The following IKBIP variants were observed in gnomAD, a reference collection of about 807,000 sequenced individuals.
The protein encoded by IKBIP is inhibitor of nuclear factor kappa-B kinase-interacting protein.
Under a neutral mutation model 31.0 loss-of-function variants are expected in IKBIP, and 28 were observed. The ratio of observed to expected loss-of-function variants is 0.90; its 90% CI spans 0.67 to 1.24. IKBIP has a LOEUF of 1.24. Ranked by LOEUF, IKBIP falls within the 50% of genes most tolerant of loss-of-function variation. IKBIP has a pLI of 0.00. For missense variants in IKBIP, 453 were observed against 441.9 expected (o/e 1.03, Z -0.23); for synonymous variants, 164 against 160.3 (o/e 1.02, Z -0.17).
chr12:98,626,346 T>C lies in IKBIP; in HGVS notation c.718A>G (p.Lys240Glu). 2 of 1,614,148 alleles carry C rather than the reference T, an allele frequency of 1.2e-6. No individual in the cohort carries two copies. The highest frequency in any genetic ancestry group is 1.7e-6 in the Non-Finnish European group (2 of 1,180,020). Reference protein sequence around the residue: ...QLGSDTKAIEKLEEEQHALFA... With the variant: ...QLGSDTKAIEELEEEQHALFA... ...AGGGCATGCTGTTCCTCTTCTAACT[T>C]TTCAATTGCCTTTGTATCAGAGCCT... The change falls in exon 3 of 3, where the codon AAG becomes GAG. Residue 240 changes from lysine (K) to glutamate (E), a missense_variant. Lys to Glu is a moderately conservative substitution (Grantham distance 56). Coordinates refer to ENST00000299157, the MANE Select transcript of IKBIP (RefSeq NM_153687.4).
downstream of IKBIP, among the ~76,000 whole-genome samples, chr12:98,623,144 A>C (rs575826197): frequency 4.0e-5 from 6 of 150,712 alleles, no homozygotes; most frequent in South Asian, 1.2e-3. Flanking sequence ...ATGCCCGGCT[A>C]ATTTTGTATT....
At chr12:98,632,989 C>T (rs1162171374) in intron 2 of IKBIP, among the ~76,000 whole-genome samples, 1 of 152,042 alleles carries the variant, frequency 6.6e-6, no homozygotes, top group Non-Finnish European at 1.5e-5. Flanking sequence ...TCCCCAAATC[C>T]CTTACACTCA....
At chr12:98,634,176 G>T in intron 2 of IKBIP, 120 bp downstream of exon 2, 1 of 598,794 alleles carries the variant, frequency 1.7e-6, no homozygotes, top group Non-Finnish European at 3.0e-6. Flanking sequence ...GAAGATCAGT[G>T]AGAGTTAAAA....
intron 2 of IKBIP, 52 bp downstream of exon 2, chr12:98,634,244 A>G: frequency 1.2e-6 from 1 of 833,668 alleles, no homozygotes. Context: ...GAGAAATGAT[A>G]GTGGGGTAGT....
In IKBIP at chr12:98,614,913, T is replaced by C. The variant is rs77683465; in HGVS notation, c.298-573A>G. On this transcript the variant is annotated intron_variant, in intron 2 of 2. Coordinates refer to the IKBIP transcript ENST00000342502. Reference sequence around the variant, plus strand: ...TTTTTACATTATAATATTTTCACAATTGGTCTTCTGTACAGTAATAAAATG... The same window carrying C: ...TTTTTACATTATAATATTTTCACAACTGGTCTTCTGTACAGTAATAAAATG... 3.3e-3 allele frequency among the ~76,000 whole-genome samples: 503 copies of C among 152,306 alleles called. 14 individuals are homozygous for C. In the East Asian group the frequency reaches 0.073, roughly 22 times the overall value.
At chr12:98,630,937 CAT>C (rs773111745) in intron 2 of IKBIP, among the ~76,000 whole-genome samples, 26 of 150,380 alleles carry the variant, frequency 1.7e-4, no homozygotes, top group South Asian at 4.2e-4. Context: ...TTTTTCTTTT[CAT>C]TTTTTTTTTT....
Position 98,624,800 on chromosome 12 carries a change from T to TTTTA in IKBIP, c.*1126_*1129dup, listed in dbSNP as rs971333901. On this transcript the variant is annotated 3_prime_UTR_variant, in exon 3 of 3. Transcript: ENST00000299157. ...CCCTCAAAACAGGCCACAGGCTTAT[T>TTTTA]TTTATTTATTTATTTATTTATTGAG... 24 of 845,778 alleles carry TTTTA rather than the reference T, an allele frequency of 2.8e-5. No homozygotes were observed. The highest frequency in any genetic ancestry group is 2.5e-4 in the East Asian group (2 of 8,160). 52.4% of individuals were successfully genotyped at this position (845,778 alleles called of 1,614,324 possible). A position where few individuals can be genotyped will look rare whatever the true frequency, so the allele number is the denominator to read the frequency against.
At position 98,634,294 on chromosome 12, in the gene IKBIP, A is replaced by T; in HGVS notation, c.297+2T>A. The T allele has an allele frequency of 7.2e-7, 1 of 1,385,402 alleles. No homozygotes were observed. The highest frequency in any genetic ancestry group is 1.0e-6 in the Non-Finnish European group (1 of 974,648). 85.8% of individuals were successfully genotyped at this position (1,385,402 alleles called of 1,614,324 possible). A position where few individuals can be genotyped will look rare whatever the true frequency, so the allele number is the denominator to read the frequency against. The stretch of plus-strand genomic sequence containing the variant: ...GTCCCAGATAAGCCAATTAATGATT[A>T]CCTTTTCTGAAATTAAACTGATTTT... On this transcript the variant is annotated splice_donor_variant, in intron 2 of 2. Coordinates refer to ENST00000299157, the MANE Select transcript of IKBIP (RefSeq NM_153687.4). LOFTEE classifies it high-confidence loss of function.
chr12:98,628,622 T>A (rs4762501), intron 2 of IKBIP, among the ~76,000 whole-genome samples: 131,666 of 152,232 alleles, frequency 0.86, 57,179 homozygotes, highest in African/African-American at 0.94. Context: ...CATATTTGCC[T>A]CTTAGCACAT....
At position 98,644,732 on chromosome 12, in the gene IKBIP, G is replaced by A. The variant is rs138197021; in HGVS notation, c.-31C>T. 17,483 of 1,578,546 alleles carry A rather than the reference G, an allele frequency of 0.011. 155 individuals carry two copies. The highest frequency in any genetic ancestry group is 0.024 in the Middle Eastern group (142 of 5,936). On this transcript the variant is annotated 5_prime_UTR_variant, in exon 1 of 3. Coordinates refer to ENST00000299157, the MANE Select transcript of IKBIP (RefSeq NM_153687.4). ...GAGACCCTAGGACGACAAGCCCAGGGCAGCTTCTTCACCAGGGGGAGCAGG... is the reference window on the plus strand; with the variant it reads ...GAGACCCTAGGACGACAAGCCCAGGACAGCTTCTTCACCAGGGGGAGCAGG...
chr12:98,630,923 C>T (rs1200165924), intron 2 of IKBIP, among the ~76,000 whole-genome samples: 1 of 82,912 alleles, frequency 1.2e-5, no homozygotes, highest in African/African-American at 5.9e-5. Context: ...CTGAATATTT[C>T]TTTTTTTTCT....
chr12:98,627,407 T>C (rs1207583103), intron 2 of IKBIP, among the ~76,000 whole-genome samples: 1 of 151,696 alleles, frequency 6.6e-6, no homozygotes, highest in Non-Finnish European at 1.5e-5. Flanking sequence ...TTAACTCTAA[T>C]GGTAAGTAAC....
downstream of IKBIP, among the ~76,000 whole-genome samples, chr12:98,620,535 T>C (rs1256494694): frequency 6.6e-6 from 1 of 151,818 alleles, no homozygotes; most frequent in East Asian, 2.0e-4. Context: ...CTCACCTAAT[T>C]TTGTATTTTT....
chr12:98,630,338 T>C (rs767105449), intron 2 of IKBIP, among the ~76,000 whole-genome samples: 4 of 115,190 alleles, frequency 3.5e-5, no homozygotes, highest in Admixed American at 1.3e-4. Context: ...TGACCAGATC[T>C]CCCCACTGCA....
chr12:98,626,781 CA>C lies in IKBIP; in HGVS notation c.298-16del. 1 of 1,559,406 alleles carries C rather than the reference CA, an allele frequency of 6.4e-7. No individual in the cohort carries two copies. On this transcript the variant is annotated splice_polypyrimidine_tract_variant and intron_variant, in intron 2 of 2. Coordinates refer to ENST00000299157, the MANE Select transcript of IKBIP (RefSeq NM_153687.4). ...GTAGACTCAAGCTGCATTTATAACA[CA>C]AAACAATTCCCAAGGCTACTTAATA... is the stretch of plus-strand genomic sequence containing the variant.
Position 98,626,286 on chromosome 12 carries a change from A to G in IKBIP, c.778T>C (p.Ser260Pro), listed in dbSNP as rs778166349. The G allele has an allele frequency of 6.2e-7, 1 of 1,614,132 alleles. No homozygotes were observed. The highest frequency in any genetic ancestry group is 8.5e-7 in the Non-Finnish European group (1 of 1,180,006). Residue 260 changes from serine to proline, a missense_variant, in exon 3 of 3, where the codon TCC becomes CCC. Ser to Pro is a moderately conservative substitution (Grantham distance 74). Coordinates refer to ENST00000299157, the MANE Select transcript of IKBIP (RefSeq NM_153687.4). Reference protein sequence around the residue: ...ARDEDLTNKLSDYEPKVEECK... With the variant: ...ARDEDLTNKLPDYEPKVEECK... ...TCTTCAACTTTGGGTTCGTAGTCGG[A>G]AAGTTTATTAGTCAGATCTTCATCT...
At chr12:98,641,615 T>G (rs1194556270) in intron 1 of IKBIP, among the ~76,000 whole-genome samples, 1 of 152,196 alleles carries the variant, frequency 6.6e-6, no homozygotes, top group East Asian at 1.9e-4. Context: ...GAGGCAACTA[T>G]TTAAATAATA....
chr12:98,619,455 T>C (rs543282687), downstream of IKBIP, among the ~76,000 whole-genome samples: 78 of 152,374 alleles, frequency 5.1e-4, no homozygotes, highest in African/African-American at 1.9e-3. Context: ...AATAGCAATG[T>C]ATCATGAACT....
In IKBIP at chr12:98,633,538, A is replaced by G. The variant is rs535114034; in HGVS notation, c.297+758T>C. ...TTTTTTTTTTTTTTTTTTTTTTGAG[A>G]CGGATCCTCGCTCTATAGCCCAGGC... is the stretch of plus-strand genomic sequence containing the variant. On this transcript the variant is annotated intron_variant, in intron 2 of 2. Transcript: ENST00000299157. 2.6e-3 allele frequency among the ~76,000 whole-genome samples: 193 copies of G among 73,734 alleles called. 1 individual carries two copies. The highest frequency in any genetic ancestry group is 9.4e-3 in the African/African-American group (188 of 20,016). 48.4% of individuals were successfully genotyped at this position (73,734 alleles called of 152,430 possible). A position where few individuals can be genotyped will look rare whatever the true frequency, so the allele number is the denominator to read the frequency against.
Sources: allele counts gnomAD v4.1 joint callset (sites outside exome capture counted in the v4.1 genomes callset), GRCh38; gene constraint gnomAD v4.1.1; transcripts MANE v1.5; gene names NCBI Gene and HGNC (gene_info 2026-07-23, HGNC 2026-07-21).